Variants in CAMKMT observed in about 807,000 individuals in gnomAD.
CAMKMT encodes the protein CaM KMT.
A neutral mutation model predicts 48.0 loss-of-function variants in CAMKMT; 53 were observed. The observed-to-expected ratio is 1.10, with a 90% CI of 0.89 to 1.39. CAMKMT has a LOEUF of 1.39. Ranked by LOEUF, CAMKMT falls within the 40% of genes most tolerant of loss-of-function variation. The pLI is 0.00. For synonymous variants in CAMKMT, 165 were observed against 152.3 expected (o/e 1.08, Z -0.61); for missense variants, 428 against 402.7 (o/e 1.06, Z -0.54).
intron 3 of CAMKMT, among the ~76,000 whole-genome samples, chr2:44,489,797 A>G (rs1489033918): frequency 1.3e-5 from 2 of 152,222 alleles, no homozygotes; most frequent in African/African-American, 4.8e-5. Flanking sequence ...ATGAAATTAA[A>G]AAAACACTTT....
At chr2:44,404,428 A>T (rs989254727) in intron 3 of CAMKMT, among the ~76,000 whole-genome samples, 1 of 152,020 alleles carries the variant, frequency 6.6e-6, no homozygotes, top group Non-Finnish European at 1.5e-5. Flanking sequence ...ATTTTGTTAC[A>T]TATTGGCGAT....
At chr2:44,464,648 T>C (rs527879196) in intron 3 of CAMKMT, among the ~76,000 whole-genome samples, 1 of 152,230 alleles carries the variant, frequency 6.6e-6, no homozygotes, top group African/African-American at 2.4e-5. Flanking sequence ...ATCAGAAATG[T>C]TACAGGTCAG....
intron 3 of CAMKMT, among the ~76,000 whole-genome samples, chr2:44,649,895 G>A (rs1043883906): frequency 6.6e-6 from 1 of 152,062 alleles, no homozygotes; most frequent in Non-Finnish European, 1.5e-5. Context: ...TTCCACTTAT[G>A]TCTCATTAGA....
intron 3 of CAMKMT, among the ~76,000 whole-genome samples, chr2:44,629,406 A>T (rs1438634576): frequency 7.3e-6 from 1 of 136,154 alleles, no homozygotes; most frequent in Admixed American, 7.2e-5. Flanking sequence ...TACCTATCTC[A>T]CTGTGTATGC....
chr2:44,522,044 A>T (rs1290195049), intron 3 of CAMKMT, among the ~76,000 whole-genome samples: 1 of 147,212 alleles, frequency 6.8e-6, no homozygotes, highest in Non-Finnish European at 1.5e-5. Flanking sequence ...TCACTCTGTC[A>T]CCAGGCTGGA....
intron 7 of CAMKMT, among the ~76,000 whole-genome samples, chr2:44,718,172 A>G (rs1477365673): frequency 6.6e-6 from 1 of 152,206 alleles, no homozygotes; most frequent in Non-Finnish European, 1.5e-5. Flanking sequence ...TTCACAGTCA[A>G]TCCACCTCTG....
chr2:44,772,167 T>C lies in CAMKMT; in HGVS notation c.*54T>C. On this transcript the variant is annotated 3_prime_UTR_variant, in exon 11 of 11. Coordinates refer to ENST00000378494, the MANE Select transcript of CAMKMT (RefSeq NM_024766.5). ...CGTATCAAGTGCATAGGGAATATTT[T>C]TACAAAAACGGAAATCTGTAAGGGG... The C allele has an allele frequency of 6.7e-7, 1 of 1,496,822 alleles. No homozygotes were observed. Among genetic ancestry groups the C allele is most frequent in the Non-Finnish European group, 9.2e-7 (1 of 1,081,246 alleles). The allele number at this position is 1,496,822 out of a possible 1,614,324, so 92.7% of individuals were successfully genotyped here.
At chr2:44,402,392 G>A (rs1682462520) in intron 3 of CAMKMT, among the ~76,000 whole-genome samples, 1 of 149,164 alleles carries the variant, frequency 6.7e-6, no homozygotes, top group Non-Finnish European at 1.5e-5. Flanking sequence ...TTACAGTAAT[G>A]TGTCATAGCT....
intron 3 of CAMKMT, among the ~76,000 whole-genome samples, chr2:44,543,447 C>G (rs546400749): frequency 8.3e-4 from 127 of 152,132 alleles, no homozygotes; most frequent in African/African-American, 2.9e-3. Flanking sequence ...AATCAAATGC[C>G]CTGTGGGACC....
At chr2:44,544,336 T>C (rs925063309) in intron 3 of CAMKMT, among the ~76,000 whole-genome samples, 3 of 152,202 alleles carry the variant, frequency 2.0e-5, no homozygotes, top group African/African-American at 7.2e-5. Flanking sequence ...AGCTTGAGCC[T>C]TCTTTTTCTT....
intron 3 of CAMKMT, among the ~76,000 whole-genome samples, chr2:44,627,282 A>G (rs1672534863): frequency 1.3e-5 from 2 of 152,148 alleles, no homozygotes; most frequent in African/African-American, 4.8e-5. Flanking sequence ...GTTTAGGATT[A>G]TATGATTTTA....
chr2:44,702,212 T>A (rs1677297059), intron 3 of CAMKMT, among the ~76,000 whole-genome samples: 1 of 152,134 alleles, frequency 6.6e-6, no homozygotes, highest in South Asian at 2.1e-4. Flanking sequence ...CATTGTCTTA[T>A]GCTCTTCCTT....
intron 3 of CAMKMT, among the ~76,000 whole-genome samples, chr2:44,537,842 C>G (rs1026481127): frequency 6.6e-6 from 1 of 152,118 alleles, no homozygotes; most frequent in South Asian, 2.1e-4. Context: ...GGATCACAGG[C>G]GTGAACCACT....
chr2:44,519,715 G>T (rs1671004270), intron 3 of CAMKMT, among the ~76,000 whole-genome samples: 2 of 152,158 alleles, frequency 1.3e-5, no homozygotes, highest in South Asian at 2.1e-4. Flanking sequence ...GTTTTACTAT[G>T]TGCCGGGCAC....
At chr2:44,504,419 A>C (rs1352461762) in intron 3 of CAMKMT, among the ~76,000 whole-genome samples, 8 of 152,096 alleles carry the variant, frequency 5.3e-5, no homozygotes, top group African/African-American at 1.9e-4. Flanking sequence ...GCTTTTTGAG[A>C]GCTCATAATT....
intron 3 of CAMKMT, among the ~76,000 whole-genome samples, chr2:44,595,959 G>A (rs752714578): frequency 4.6e-5 from 7 of 151,734 alleles, no homozygotes; most frequent in Non-Finnish European, 8.8e-5. Context: ...ATGGGGCTGG[G>A]GGGGCATCAC....
intron 3 of CAMKMT, among the ~76,000 whole-genome samples, chr2:44,496,247 C>G (rs932953127): frequency 6.6e-6 from 1 of 152,148 alleles, no homozygotes; most frequent in African/African-American, 2.4e-5. Context: ...ATGAATTGAT[C>G]CCTTACTGTC....
intron 3 of CAMKMT, among the ~76,000 whole-genome samples, chr2:44,408,735 A>G (rs538307428): frequency 6.6e-6 from 1 of 151,082 alleles, no homozygotes; most frequent in African/African-American, 2.5e-5. Flanking sequence ...CCTATGTTAA[A>G]TTTAATTAAT....
At chr2:44,367,587 C>T (rs960531124) in intron 1 of CAMKMT, among the ~76,000 whole-genome samples, 4 of 152,160 alleles carry the variant, frequency 2.6e-5, no homozygotes, top group African/African-American at 9.7e-5. Context: ...AATTCAAAAT[C>T]CAAAACACTT....
Sources: gnomAD v4.1 joint callset for allele counts (sites outside exome capture counted in the v4.1 genomes callset) on GRCh38, gnomAD v4.1.1 for gene constraint, MANE v1.5 for transcripts, NCBI Gene and HGNC (gene_info 2026-07-23, HGNC 2026-07-21) for gene names.